Variants in AGO3 observed in about 807,000 individuals in gnomAD.
The protein encoded by AGO3 is argonaute RISC catalytic component 3, also known as protein argonaute-3.
A neutral mutation model predicts 105.5 loss-of-function variants in AGO3; 16 were observed. That is an observed-to-expected ratio of 0.15 (90% CI 0.10 to 0.23). The LOEUF is 0.23. AGO3 is among the 10% of genes least tolerant of loss of function. AGO3 has a pLI of 1.00. For missense variants in AGO3, 534 were observed against 1,088.0 expected (o/e 0.49, Z 7.16); for synonymous variants, 340 against 367.3 (o/e 0.93, Z 0.85).
intron 17 of AGO3, among the ~76,000 whole-genome samples, chr1:36,050,689 G>A (rs1036491540): frequency 6.6e-6 from 1 of 151,170 alleles, no homozygotes; most frequent in Non-Finnish European, 1.5e-5. Context: ...CTACTCAAGA[G>A]GCTGAGGCAG....
At chr1:35,997,821 C>T (rs528213898) in intron 5 of AGO3, among the ~76,000 whole-genome samples, 8 of 152,150 alleles carry the variant, frequency 5.3e-5, no homozygotes, top group Admixed American at 3.3e-4. Context: ...CTCAGCCTCC[C>T]GAGTATCCAG....
At chr1:35,965,430 C>G (rs1483070259) in intron 2 of AGO3, among the ~76,000 whole-genome samples, 1 of 144,692 alleles carries the variant, frequency 6.9e-6, no homozygotes, top group Non-Finnish European at 1.5e-5. Flanking sequence ...GCGGAGGTAG[C>G]AGTGAGCCGA....
intron 2 of AGO3, among the ~76,000 whole-genome samples, chr1:35,947,447 TGTG>T (rs1646387426): frequency 6.6e-6 from 1 of 152,094 alleles, no homozygotes; most frequent in Admixed American, 6.5e-5. Context: ...ACACTTCCAT[TGTG>T]GTGTTTTTAG....
At chr1:36,003,709 A>AAAAAAAAATATATAT (rs1295618675) in intron 5 of AGO3, among the ~76,000 whole-genome samples, 6 of 99,434 alleles carry the variant, frequency 6.0e-5, no homozygotes, top group African/African-American at 1.2e-4. Flanking sequence ...AAAAAAAAAA[A>AAAAAAAAATATATAT]ATATATATAT....
In AGO3 at chr1:36,039,922, C is replaced by T. The variant is rs1642177447; in HGVS notation, c.1975C>T (p.Arg659Trp). The change falls in exon 15 of 19, where the codon CGG becomes TGG. Residue 659 changes from arginine to tryptophan, a missense_variant. Physicochemically the swap from Arg to Trp is moderately radical, Grantham distance 101. Around this residue, in one of 2 missense-constraint regions of AGO3, gnomAD observed 373 missense variants for 854.0 expected, o/e 0.44. Coordinates refer to ENST00000373191, the MANE Select transcript of AGO3 (RefSeq NM_024852.4). Reference protein sequence around the residue: ...ELLIQFYKSTRFKPTRIIFYR... With the variant: ...ELLIQFYKSTWFKPTRIIFYR... ...TCTTATTCAATTTTATAAGTCAACTCGGTTCAAGCCTACTCGTATCATCTT... is the reference window on the plus strand; with the variant it reads ...TCTTATTCAATTTTATAAGTCAACTTGGTTCAAGCCTACTCGTATCATCTT... 5 of 1,614,016 alleles carry T rather than the reference C, an allele frequency of 3.1e-6. No individual in the cohort carries two copies. Among genetic ancestry groups the T allele is most frequent in the Non-Finnish European group, 4.2e-6 (5 of 1,180,010 alleles).
rs1278172500 is a variant in AGO3, at chr1:36,027,715, C to T, written c.1591+417C>T. ...AATGGCGTGAACCCAGGAGGTGGAG[C>T]TTGCAGTGAGCCGAGATCGCACCGG... On this transcript the variant is annotated intron_variant, in intron 12 of 18. Coordinates refer to ENST00000373191, the MANE Select transcript of AGO3 (RefSeq NM_024852.4). This position sits in a 1 kb window ranked among gnomAD's most constrained non-coding sequence, Gnocchi z 4.0. 6.6e-6 allele frequency among the ~76,000 whole-genome samples: 1 copy of T among 150,542 alleles called. No individual in the cohort carries two copies. Among genetic ancestry groups the T allele is most frequent in the Non-Finnish European group, 1.5e-5 (1 of 67,840 alleles).
chr1:36,015,217 C>T (rs1418341085), intron 11 of AGO3, among the ~76,000 whole-genome samples: 18 of 152,144 alleles, frequency 1.2e-4, no homozygotes, highest in Admixed American at 1.2e-3. Context: ...GAAACACTTA[C>T]TATGTTTACT....
intron 11 of AGO3, among the ~76,000 whole-genome samples, chr1:36,026,280 G>T (rs974937397): frequency 6.6e-6 from 1 of 151,892 alleles, no homozygotes; most frequent in Admixed American, 6.6e-5. Flanking sequence ...GACTAGTTTC[G>T]TATTTTTAGT....
At chr1:36,035,331 G>A (rs1016155231) in intron 13 of AGO3, among the ~76,000 whole-genome samples, 7 of 152,176 alleles carry the variant, frequency 4.6e-5, no homozygotes, top group Non-Finnish European at 8.8e-5. Flanking sequence ...GCCCAGGGAA[G>A]TCAAGGCTGC....
At chr1:36,039,264 C>T (rs542476510) in intron 14 of AGO3, among the ~76,000 whole-genome samples, 6 of 152,026 alleles carry the variant, frequency 3.9e-5, no homozygotes, top group South Asian at 4.1e-4. Context: ...GGGAGGCCAA[C>T]GCAGACGGAT....
At chr1:36,042,949 A>C (rs1642311569) in intron 16 of AGO3, among the ~76,000 whole-genome samples, 1 of 152,212 alleles carries the variant, frequency 6.6e-6, no homozygotes, top group South Asian at 2.1e-4. Context: ...CCTAACTTGC[A>C]GGATTGTTAC....
At chr1:35,947,077 A>G (rs1646379252) in intron 2 of AGO3, among the ~76,000 whole-genome samples, 1 of 152,158 alleles carries the variant, frequency 6.6e-6, no homozygotes, top group East Asian at 1.9e-4. Context: ...GGTTAGCTGT[A>G]GTAAAAATAA....
intron 11 of AGO3, among the ~76,000 whole-genome samples, chr1:36,025,379 A>G (rs1354578734): frequency 6.7e-6 from 1 of 150,120 alleles, no homozygotes; most frequent in Non-Finnish European, 1.5e-5. Flanking sequence ...TTACAATGCT[A>G]TGATTATCTT....
chr1:36,004,113 A>G (rs2148809642), intron 5 of AGO3: 1 of 394,558 alleles, frequency 2.5e-6, no homozygotes, highest in Non-Finnish European at 4.5e-6. Flanking sequence ...GGAATGAATC[A>G]GTTACTTACG....
chr1:36,038,099 A>G (rs1642089049), intron 14 of AGO3, among the ~76,000 whole-genome samples: 1 of 152,156 alleles, frequency 6.6e-6, no homozygotes, highest in South Asian at 2.1e-4. Flanking sequence ...AGGTGTTATC[A>G]TGATAACGAA....
chr1:35,981,160 T>C (rs1647045899), intron 5 of AGO3, among the ~76,000 whole-genome samples: 1 of 152,230 alleles, frequency 6.6e-6, no homozygotes, highest in Admixed American at 6.5e-5. Flanking sequence ...TTTCCTCTGC[T>C]TTGTGATGAT....
intron 2 of AGO3, among the ~76,000 whole-genome samples, chr1:35,955,284 G>A (rs1032939785): frequency 4.6e-5 from 7 of 152,058 alleles, no homozygotes; most frequent in African/African-American, 7.2e-5. Context: ...CTAGGTTAGC[G>A]GTCTTCAAAC....
At chr1:35,991,557 TATATA>T (rs1180329860) in intron 5 of AGO3, among the ~76,000 whole-genome samples, 1 of 146,632 alleles carries the variant, frequency 6.8e-6, no homozygotes, top group African/African-American at 2.5e-5. Flanking sequence ...ATATATAAAA[TATATA>T]ATATATGTAT....
At chr1:35,971,934 T>A in intron 3 of AGO3, 90 bp from the exon 4 acceptor site, 1 of 1,269,494 alleles carries the variant, frequency 7.9e-7, no homozygotes. Context: ...TTTTGCCATG[T>A]TTTCTCTTAG....
Sources: allele counts gnomAD v4.1 joint callset (sites outside exome capture counted in the v4.1 genomes callset), GRCh38; gene constraint gnomAD v4.1.1; regional missense constraint gnomAD v4.1.1; non-coding constraint Gnocchi (gnomAD v3.1); transcripts MANE v1.5; gene names NCBI Gene and HGNC (gene_info 2026-07-23, HGNC 2026-07-21).